NREP: variants seen among roughly 807,000 people sequenced by gnomAD.
NREP encodes the protein neuronal regeneration-related protein.
NREP carries 5 observed loss-of-function variants against 8.6 expected under a neutral mutation model. That is an observed-to-expected ratio of 0.58 (90% CI 0.30 to 1.22). NREP has a LOEUF of 1.22. NREP is among the 50% of genes most tolerant of loss of function. The pLI, the probability that NREP is intolerant of heterozygous loss-of-function variation, is 0.07. For missense variants in NREP, 86 were observed against 82.5 expected (o/e 1.04, Z -0.17); for synonymous variants, 27 against 28.0 (o/e 0.96, Z 0.11).
chr5:111,753,525 G>A (rs566795031), intron 2 of NREP, among the ~76,000 whole-genome samples: 2 of 151,858 alleles, frequency 1.3e-5, no homozygotes, highest in Admixed American at 6.6e-5. Context: ...ACGAATTCTG[G>A]AATCTACTAA....
intron 1 of NREP, chr5:111,756,365 T>C: frequency 1.8e-6 from 1 of 563,710 alleles, no homozygotes; most frequent in Non-Finnish European, 2.2e-6. Context: ...CATTCTGTCC[T>C]TCTCCCTAAA....
intron 2 of NREP, among the ~76,000 whole-genome samples, chr5:111,902,644 G>C (rs945389511): frequency 3.3e-5 from 5 of 152,170 alleles, no homozygotes; most frequent in African/African-American, 9.7e-5. Flanking sequence ...TTCTGGAGGA[G>C]CAGTGAACGA....
chr5:111,820,422 T>C (rs1489145611), intron 2 of NREP, among the ~76,000 whole-genome samples: 2 of 152,156 alleles, frequency 1.3e-5, no homozygotes, highest in Non-Finnish European at 2.9e-5. Context: ...AATTTACAAA[T>C]ATGAAATCCA....
intron 2 of NREP, among the ~76,000 whole-genome samples, chr5:111,820,219 AC>A (rs1752486410): frequency 6.6e-6 from 1 of 152,208 alleles, no homozygotes; most frequent in Non-Finnish European, 1.5e-5. Flanking sequence ...TAAATAGATC[AC>A]AAAAAAAAAG....
intron 2 of NREP, among the ~76,000 whole-genome samples, chr5:111,880,729 C>T (rs960288922): frequency 1.5e-5 from 2 of 129,876 alleles, no homozygotes; most frequent in South Asian, 2.4e-4. Context: ...GGAACATAAG[C>T]CTTTTTTTTT....
At chr5:111,779,213 G>A (rs961136759) in intron 2 of NREP, among the ~76,000 whole-genome samples, 1 of 152,078 alleles carries the variant, frequency 6.6e-6, no homozygotes, top group South Asian at 2.1e-4. Flanking sequence ...TTGCTGTGTT[G>A]TTGGGCTATC....
At chr5:111,909,786 C>G (rs978262650) in intron 2 of NREP, among the ~76,000 whole-genome samples, 1 of 152,120 alleles carries the variant, frequency 6.6e-6, no homozygotes, top group African/African-American at 2.4e-5. Context: ...AAGCTGTGTT[C>G]TCTCAGCCTT....
intron 2 of NREP, among the ~76,000 whole-genome samples, chr5:111,777,052 GGAA>G (rs1456547761): frequency 3.3e-5 from 5 of 151,428 alleles, no homozygotes; most frequent in South Asian, 4.2e-4. Context: ...AGGAGGAGGA[GGAA>G]GAAGAGGAGA....
chr5:111,783,727 T>C (rs1256504656), intron 2 of NREP, among the ~76,000 whole-genome samples: 1 of 152,228 alleles, frequency 6.6e-6, no homozygotes, highest in African/African-American at 2.4e-5. Flanking sequence ...TTCTCCTTCA[T>C]TCTATTAATA....
chr5:111,740,951 A>G (rs1749596513), intron 2 of NREP, among the ~76,000 whole-genome samples: 1 of 152,210 alleles, frequency 6.6e-6, no homozygotes, highest in Non-Finnish European at 1.5e-5. Context: ...GCAGGATTAT[A>G]TCTTTTTGCA....
intron 2 of NREP, among the ~76,000 whole-genome samples, chr5:111,890,622 T>C (rs975386549): frequency 5.3e-5 from 8 of 152,230 alleles, no homozygotes; most frequent in Non-Finnish European, 8.8e-5. Flanking sequence ...CAAGCCTCAA[T>C]TGTTGTACTC....
At chr5:111,774,549 G>A (rs1169014658) in intron 2 of NREP, among the ~76,000 whole-genome samples, 1 of 152,178 alleles carries the variant, frequency 6.6e-6, no homozygotes, top group Non-Finnish European at 1.5e-5. Context: ...AAAGGGGAAT[G>A]CAGCGTTTCA....
At chr5:111,863,428 A>C (rs1246390951) in intron 2 of NREP, among the ~76,000 whole-genome samples, 1 of 152,148 alleles carries the variant, frequency 6.6e-6, no homozygotes, top group African/African-American at 2.4e-5. Flanking sequence ...TGGAAATCAG[A>C]AAAGAGGTCT....
At chr5:111,976,861 T>A in exon 1 of NREP, 1 of 712,674 alleles carries the variant, frequency 1.4e-6, no homozygotes, top group Non-Finnish European at 2.4e-6. Context: ...GTCCAATGTT[T>A]CTTTTGATAA....
chr5:111,969,062 A>G (rs74724337), intron 2 of NREP, among the ~76,000 whole-genome samples: 1 of 152,364 alleles, frequency 6.6e-6, no homozygotes, highest in Non-Finnish European at 1.5e-5. Flanking sequence ...AGTTAGAGAA[A>G]TATGAACCAG....
intron 2 of NREP, among the ~76,000 whole-genome samples, chr5:111,971,729 G>A (rs774387352): frequency 1.1e-4 from 17 of 152,006 alleles, no homozygotes; most frequent in Admixed American, 4.6e-4. Context: ...AAACTCAAGT[G>A]GATTAAAGAC....
chr5:111,839,932 C>G (rs1362694991), intron 2 of NREP, among the ~76,000 whole-genome samples: 1 of 152,036 alleles, frequency 6.6e-6, no homozygotes, highest in Non-Finnish European at 1.5e-5. Context: ...GTGGCAGACA[C>G]TTGGAAGACA....
At chr5:111,960,393 G>T (rs1756446772) in intron 2 of NREP, among the ~76,000 whole-genome samples, 1 of 152,100 alleles carries the variant, frequency 6.6e-6, no homozygotes, top group Non-Finnish European at 1.5e-5. Flanking sequence ...TATGAAGGGG[G>T]TTGAGACACA....
At position 111,964,864 on chromosome 5, in the gene NREP, A is replaced by T. The variant is rs866912296; in HGVS notation, c.135+10410T>A. Among the ~76,000 whole-genome samples the T allele has an allele frequency of 9.8e-3, 1,059 of 108,526 alleles. 2 individuals are homozygous for T. The highest frequency in any genetic ancestry group is 0.016 in the Middle Eastern group (4 of 244). The allele number at this position is 108,526 out of a possible 152,430, so 71.2% of individuals were successfully genotyped here. ...AGAATGCTTTCAGCAGCAAAAAAAA[A>T]AAAAAAAAAAAAAAAAAAAAAAAAA... On this transcript the variant is annotated intron_variant, in intron 2 of 3. Coordinates refer to the NREP transcript ENST00000395634.
Sources: gnomAD v4.1 joint callset for allele counts (sites outside exome capture counted in the v4.1 genomes callset) on GRCh38, gnomAD v4.1.1 for gene constraint, MANE v1.5 for transcripts, NCBI Gene and HGNC (gene_info 2026-07-23, HGNC 2026-07-21) for gene names.